Variants in SUMF1 observed in about 807,000 individuals in gnomAD.
SUMF1 encodes the protein sulfatase modifying factor 1.
In SUMF1, 48 loss-of-function variants were observed where a neutral mutation model predicts 47.6. That is an observed-to-expected ratio of 1.01 (90% CI 0.80 to 1.28). The LOEUF (loss-of-function observed/expected upper bound fraction) is 1.28, where lower values mean the gene tolerates loss of function less well. Ranked by LOEUF, SUMF1 falls within the 50% of genes most tolerant of loss-of-function variation. The probability of loss-of-function intolerance (pLI) is 0.00; values close to 1 mark genes in which losing one functional copy is unlikely to be tolerated. For synonymous variants in SUMF1, 230 were observed against 192.1 expected (o/e 1.20, Z -1.63); for missense variants, 571 against 485.4 (o/e 1.18, Z -1.66).
intron 8 of SUMF1, among the ~76,000 whole-genome samples, chr3:4,296,684 C>T (rs1422690538): frequency 6.6e-6 from 1 of 152,148 alleles, no homozygotes; most frequent in Non-Finnish European, 1.5e-5. Context: ...GTGCGGATTA[C>T]AGGAGCTACA....
At chr3:4,316,232 C>G (rs753490145) in intron 8 of SUMF1, 17 of 727,244 alleles carry the variant, frequency 2.3e-5, no homozygotes, top group Non-Finnish European at 3.9e-5. Flanking sequence ...TGATGTTAGA[C>G]AAAAAGCAAA....
At chr3:4,103,328 A>T (rs1186544683) in intron 8 of SUMF1, among the ~76,000 whole-genome samples, 2 of 152,052 alleles carry the variant, frequency 1.3e-5, no homozygotes, top group Non-Finnish European at 2.9e-5. Context: ...TTATAACAGG[A>T]GGTCCATATT....
intron 8 of SUMF1, among the ~76,000 whole-genome samples, chr3:4,070,801 T>C (rs1444787562): frequency 6.6e-6 from 1 of 151,904 alleles, no homozygotes; most frequent in East Asian, 1.9e-4. Flanking sequence ...ACGCCTAATT[T>C]TTTGCATATT....
At chr3:4,350,332 CGTGT>C (rs10674918) in intron 8 of SUMF1, among the ~76,000 whole-genome samples, 32 of 146,464 alleles carry the variant, frequency 2.2e-4, no homozygotes, top group Non-Finnish European at 3.6e-4. Context: ...TGTGTATATG[CGTGT>C]GTGTGTGTGT....
At chr3:4,359,534 C>A (rs751081461), downstream of SUMF1, among the ~76,000 whole-genome samples, 20 of 152,186 alleles carry the variant, frequency 1.3e-4, no homozygotes, top group Non-Finnish European at 2.6e-4. Context: ...ATACCCCAGA[C>A]TGGGTAATTT....
At chr3:4,127,415 G>A (rs1365166859) in intron 8 of SUMF1, among the ~76,000 whole-genome samples, 2 of 152,164 alleles carry the variant, frequency 1.3e-5, no homozygotes, top group East Asian at 3.9e-4. Flanking sequence ...GAGAAAGGCA[G>A]ACCCACCCTT....
At chr3:4,268,839 AG>A (rs958078973) in intron 8 of SUMF1, among the ~76,000 whole-genome samples, 6 of 152,142 alleles carry the variant, frequency 3.9e-5, no homozygotes, top group Non-Finnish European at 8.8e-5. Context: ...ATCACAGGAC[AG>A]AAAAAAAATA....
At chr3:4,052,428 A>T (rs752948154) in intron 9 of SUMF1, among the ~76,000 whole-genome samples, 1 of 152,184 alleles carries the variant, frequency 6.6e-6, no homozygotes, top group Non-Finnish European at 1.5e-5. Context: ...ACCAAAGACT[A>T]GAGCTTGGGG....
At chr3:4,368,265 T>A (rs1280561169) in intron 8 of SUMF1, among the ~76,000 whole-genome samples, 1 of 152,142 alleles carries the variant, frequency 6.6e-6, no homozygotes, top group Non-Finnish European at 1.5e-5. Flanking sequence ...ATCAGAGAAA[T>A]GCAAATCAAA....
intron 8 of SUMF1, among the ~76,000 whole-genome samples, chr3:4,198,932 C>A (rs186893145): frequency 1.3e-5 from 2 of 152,062 alleles, no homozygotes; most frequent in Admixed American, 1.3e-4. Flanking sequence ...AGAAAGATAC[C>A]CTTCCAAGCT....
intron 3 of SUMF1, among the ~76,000 whole-genome samples, chr3:4,422,234 T>C (rs1045044067): frequency 6.6e-6 from 1 of 152,090 alleles, no homozygotes; most frequent in Non-Finnish European, 1.5e-5. Flanking sequence ...AGGTAATTCA[T>C]TCAGTGTCAA....
intron 8 of SUMF1, among the ~76,000 whole-genome samples, chr3:4,265,744 T>C (rs1697179738): frequency 1.3e-5 from 2 of 152,210 alleles, no homozygotes; most frequent in Admixed American, 1.3e-4. Flanking sequence ...TTAGAACCCA[T>C]TTGTCAATTT....
At chr3:4,095,381 T>C (rs1332121728) in intron 8 of SUMF1, among the ~76,000 whole-genome samples, 1 of 152,022 alleles carries the variant, frequency 6.6e-6, no homozygotes, top group Non-Finnish European at 1.5e-5. Context: ...CTGCAGAAAA[T>C]CTAGTACCTT....
At chr3:4,037,002 C>G (rs141552548) in intron 9 of SUMF1, among the ~76,000 whole-genome samples, 70 of 152,150 alleles carry the variant, frequency 4.6e-4, no homozygotes, top group African/African-American at 1.6e-3. Flanking sequence ...GATATACACA[C>G]AGCTTAAAAG....
intron 7 of SUMF1, among the ~76,000 whole-genome samples, chr3:4,383,466 A>T (rs944079439): frequency 2.6e-5 from 4 of 152,168 alleles, no homozygotes; most frequent in African/African-American, 9.7e-5. Flanking sequence ...AGAAGTTATA[A>T]ATTGAGAGGC....
intron 8 of SUMF1, among the ~76,000 whole-genome samples, chr3:4,276,090 T>C (rs763102642): frequency 3.3e-5 from 5 of 152,166 alleles, no homozygotes; most frequent in Non-Finnish European, 7.3e-5. Flanking sequence ...GACATTAATT[T>C]TTCTCAGATT....
At chr3:4,321,501 A>G (rs988420273) in intron 8 of SUMF1, among the ~76,000 whole-genome samples, 13 of 150,148 alleles carry the variant, frequency 8.7e-5, no homozygotes, top group Non-Finnish European at 1.6e-4. Context: ...AAAGAAAAAG[A>G]AAGAAACCTA....
At chr3:4,155,431 A>C (rs1559518142) in intron 8 of SUMF1, among the ~76,000 whole-genome samples, 1 of 151,534 alleles carries the variant, frequency 6.6e-6, no homozygotes, top group Non-Finnish European at 1.5e-5. Context: ...TAGGCATGCG[A>C]TGTTCTCATG....
chr3:4,168,308 T>A (rs1214609379), intron 8 of SUMF1, among the ~76,000 whole-genome samples: 2 of 152,142 alleles, frequency 1.3e-5, no homozygotes, highest in East Asian at 1.9e-4. Context: ...TTTAATTGTG[T>A]CTCTACCCTG....
Sources: allele counts gnomAD v4.1 joint callset (sites outside exome capture counted in the v4.1 genomes callset), GRCh38; gene constraint gnomAD v4.1.1; transcripts MANE v1.5; gene names NCBI Gene and HGNC (gene_info 2026-07-23, HGNC 2026-07-21).